Variants in KCNB2 observed in about 807,000 individuals in gnomAD.
KCNB2 encodes delayed rectifier potassium channel protein.
A neutral mutation model predicts 61.5 loss-of-function variants in KCNB2; 15 were observed. That is an observed-to-expected ratio of 0.24 (90% CI 0.16 to 0.38). KCNB2 has a LOEUF of 0.38. KCNB2 is among the 10% of genes least tolerant of loss of function. The pLI is 1.00. For missense variants in KCNB2, 828 were observed against 1,125.2 expected (o/e 0.74, Z 3.78); for synonymous variants, 457 against 446.0 (o/e 1.02, Z -0.31).
At position 72,681,645 on chromosome 8, in the gene KCNB2, C is replaced by T. The variant is rs188620165; in HGVS notation, c.579+113332C>T. Among the ~76,000 whole-genome samples, 361 of 152,234 alleles carry T rather than the reference C, an allele frequency of 2.4e-3. 1 individual carries two copies. Among genetic ancestry groups the T allele is most frequent in the Non-Finnish European group, 3.9e-3 (267 of 68,020 alleles). ...AAGTATAGTATAACAAATACATAAA[C>T]CGGTAACATAGTCATTTAATATAAA... On this transcript the variant is annotated intron_variant, in intron 2 of 2. Coordinates refer to ENST00000523207, the MANE Select transcript of KCNB2 (RefSeq NM_004770.3).
intron 1 of KCNB2, among the ~76,000 whole-genome samples, chr8:72,551,707 A>C (rs942544337): frequency 1.3e-5 from 2 of 152,198 alleles, no homozygotes; most frequent in East Asian, 1.9e-4. Context: ...ACTTACCCCA[A>C]ATCTAACTTT....
intron 2 of KCNB2, among the ~76,000 whole-genome samples, chr8:72,583,263 A>G (rs1017917532): frequency 6.6e-6 from 1 of 152,172 alleles, no homozygotes; most frequent in South Asian, 2.1e-4. Context: ...ACTTGTTTCA[A>G]TTTAATAATT....
intron 2 of KCNB2, among the ~76,000 whole-genome samples, chr8:72,929,906 C>A (rs551882352): frequency 9.3e-5 from 14 of 151,162 alleles, no homozygotes; most frequent in African/African-American, 3.4e-4. Flanking sequence ...CCCATTAACT[C>A]GTCATTTACA....
chr8:72,924,997 C>G (rs938065283), intron 2 of KCNB2, among the ~76,000 whole-genome samples: 2 of 152,176 alleles, frequency 1.3e-5, no homozygotes, highest in Admixed American at 1.3e-4. Flanking sequence ...CATGGCCGTC[C>G]ATATATTCTA....
chr8:72,851,968 C>T (rs1387620265), intron 2 of KCNB2, among the ~76,000 whole-genome samples: 3 of 151,906 alleles, frequency 2.0e-5, no homozygotes, highest in Non-Finnish European at 2.9e-5. Context: ...GGGCGTGGTG[C>T]CCCGTGCCTG....
chr8:72,542,960 T>G (rs1405498594), intron 1 of KCNB2, among the ~76,000 whole-genome samples: 1 of 152,180 alleles, frequency 6.6e-6, no homozygotes, highest in Non-Finnish European at 1.5e-5. Flanking sequence ...AACCAAATAT[T>G]ATAAATGCTA....
At chr8:72,569,334 G>A (rs1806676081) in intron 2 of KCNB2, among the ~76,000 whole-genome samples, 1 of 152,174 alleles carries the variant, frequency 6.6e-6, no homozygotes. Flanking sequence ...CTCGTGAACA[G>A]TAATGATTTC....
At position 72,938,134 on chromosome 8, in the gene KCNB2, A is replaced by T. The variant is rs772818111; in HGVS notation, c.*43A>T. 13 of 1,478,544 alleles carry T rather than the reference A, an allele frequency of 8.8e-6. No homozygotes were observed. The East Asian group carries it at 2.3e-4, about 26-fold the overall frequency. The allele number at this position is 1,478,544 out of a possible 1,614,324, so 91.6% of individuals were successfully genotyped here. On this transcript the variant is annotated 3_prime_UTR_variant, in exon 3 of 3. Transcript: ENST00000523207. ...AAATTGAAACAAAACAAAACAAAAC[A>T]AAACTTGTTTCTTAAAAATGCGGTT...
Position 72,925,175 on chromosome 8 carries a change from TG to T in KCNB2, c.580-10757del, listed in dbSNP as rs538031849. 4.5e-4 allele frequency among the ~76,000 whole-genome samples: 68 copies of T among 152,334 alleles called. No homozygotes were observed. In the South Asian group the frequency reaches 0.013, roughly 29 times the overall value. ...TGGTCTTTAGATATGGGGATAATGG[TG>T]GGAATAAATCCCTGCAATTCTCTGT... On this transcript the variant is annotated intron_variant, in intron 2 of 2. Transcript: ENST00000523207.
At chr8:72,817,330 G>A (rs1809417962) in intron 2 of KCNB2, among the ~76,000 whole-genome samples, 1 of 152,106 alleles carries the variant, frequency 6.6e-6, no homozygotes, top group African/African-American at 2.4e-5. Context: ...TTCATCCAAG[G>A]CCTCCCCTGT....
chr8:72,823,691 G>T (rs1230659051), intron 2 of KCNB2, among the ~76,000 whole-genome samples: 1 of 152,156 alleles, frequency 6.6e-6, no homozygotes. Flanking sequence ...ATTGTCTCAT[G>T]AATTCTAAGA....
chr8:72,644,827 C>T (rs914787509), intron 2 of KCNB2, among the ~76,000 whole-genome samples: 4 of 152,048 alleles, frequency 2.6e-5, no homozygotes, highest in Non-Finnish European at 2.9e-5. Flanking sequence ...TTACAAATAA[C>T]GAAACTGATA....
At position 72,921,128 on chromosome 8, in the gene KCNB2, G is replaced by T. The variant is rs200066017; in HGVS notation, c.580-14807G>T. On this transcript the variant is annotated intron_variant, in intron 2 of 2. Transcript: ENST00000523207. ...TTACCTTCATATGAATCATCAAAGT[G>T]TAATAATTATTATAATTTAATATAA... Among the ~76,000 whole-genome samples, 7 of 152,068 alleles carry T rather than the reference G, an allele frequency of 4.6e-5. No homozygotes were observed. In the East Asian group the frequency reaches 1.4e-3, roughly 29 times the overall value.
chr8:72,741,211 C>A (rs1249016193), intron 2 of KCNB2, among the ~76,000 whole-genome samples: 1 of 152,158 alleles, frequency 6.6e-6, no homozygotes, highest in Non-Finnish European at 1.5e-5. Context: ...TCTGCCACTT[C>A]CCCACGAGCA....
In KCNB2 at chr8:72,936,884, A is replaced by G. The variant is rs997196172; in HGVS notation, c.1529A>G (p.Asn510Ser). Residue 510 changes from asparagine (N) to serine (S), a missense_variant, in exon 3 of 3, where the codon AAT (asparagine) becomes AGT (serine). By Grantham distance (46) the Asn-to-Ser change is conservative (BLOSUM62 1). This residue lies in a region of KCNB2 where 559 missense variants were observed against 588.4 expected (regional missense o/e 0.95). Transcript: ENST00000523207. The surrounding 1 kb of genome is among the most constrained non-coding windows in gnomAD (Gnocchi z 5.6). ...SETSSNKSFE[N>S]KYQEVSQKDS... ...ACAAGCTCCAACAAGTCTTTCGAGAATAAGTACCAGGAGGTTAGCCAAAAA... is the reference window on the plus strand; with the variant it reads ...ACAAGCTCCAACAAGTCTTTCGAGAGTAAGTACCAGGAGGTTAGCCAAAAA... 12 of 1,614,158 alleles carry G rather than the reference A, an allele frequency of 7.4e-6. No homozygotes were observed. The highest frequency in any genetic ancestry group is 1.1e-5 in the South Asian group (1 of 91,076).
chr8:72,618,457 C>T (rs187962910), intron 2 of KCNB2, among the ~76,000 whole-genome samples: 1 of 152,180 alleles, frequency 6.6e-6, no homozygotes, highest in East Asian at 1.9e-4. Context: ...TATTATTTTG[C>T]AGTTATATTG....
chr8:72,855,788 A>C (rs149011444), intron 2 of KCNB2, among the ~76,000 whole-genome samples: 55 of 152,312 alleles, frequency 3.6e-4, no homozygotes, highest in African/African-American at 1.2e-3. Flanking sequence ...ATGGAAATAC[A>C]GTTGCCCCTC....
intron 2 of KCNB2, among the ~76,000 whole-genome samples, chr8:72,807,113 A>C (rs1012303281): frequency 6.6e-6 from 1 of 152,190 alleles, no homozygotes; most frequent in Non-Finnish European, 1.5e-5. Context: ...AAGGAAAATA[A>C]TTGGGATTTT....
intron 2 of KCNB2, among the ~76,000 whole-genome samples, chr8:72,753,826 A>T (rs1237718626): frequency 6.6e-6 from 1 of 152,226 alleles, no homozygotes; most frequent in African/African-American, 2.4e-5. Context: ...GCCAATCAAA[A>T]ATTAGCCTTA....
Sources: gnomAD v4.1 joint callset for allele counts (sites outside exome capture counted in the v4.1 genomes callset) on GRCh38, gnomAD v4.1.1 for gene constraint, gnomAD v4.1.1 regional missense constraint, Gnocchi (gnomAD v3.1) non-coding constraint, MANE v1.5 for transcripts, NCBI Gene and HGNC (gene_info 2026-07-23, HGNC 2026-07-21) for gene names.